Variants in TSPAN5 observed in about 807,000 individuals in gnomAD.
TSPAN5 encodes the protein tetraspanin-5.
TSPAN5 carries 10 observed loss-of-function variants against 37.1 expected under a neutral mutation model. That is an observed-to-expected ratio of 0.27 (90% confidence interval 0.17 to 0.46). The LOEUF (loss-of-function observed/expected upper bound fraction) is 0.46. TSPAN5 is among the 20% of genes least tolerant of loss of function. The pLI, the probability that TSPAN5 is intolerant of heterozygous loss-of-function variation, is 1.00. For missense variants in TSPAN5, 195 were observed against 326.6 expected (o/e 0.60, Z 3.11); for synonymous variants, 110 against 118.9 (o/e 0.93, Z 0.48).
At chr4:98,490,933 G>T (rs927176653) in intron 2 of TSPAN5, among the ~76,000 whole-genome samples, 3 of 152,056 alleles carry the variant, frequency 2.0e-5, no homozygotes, top group Non-Finnish European at 2.9e-5. Context: ...GTGGCAGCAC[G>T]CGCCTGTAGT....
chr4:98,626,362 C>G (rs1443825928), intron 1 of TSPAN5, among the ~76,000 whole-genome samples: 1 of 152,168 alleles, frequency 6.6e-6, no homozygotes, highest in African/African-American at 2.4e-5. Flanking sequence ...CTAACCTTGA[C>G]CCCATCCCTA....
intron 1 of TSPAN5, among the ~76,000 whole-genome samples, chr4:98,616,465 TA>T (rs1756339874): frequency 6.6e-6 from 1 of 152,108 alleles, no homozygotes; most frequent in African/African-American, 2.4e-5. Context: ...GATCTTTACC[TA>T]GTGTCACTCT....
intron 1 of TSPAN5, among the ~76,000 whole-genome samples, chr4:98,621,055 T>C (rs1489138593): frequency 6.6e-6 from 1 of 152,180 alleles, no homozygotes; most frequent in Non-Finnish European, 1.5e-5. Context: ...CCAGTATGAC[T>C]GTGTCCTTAT....
At chr4:98,602,928 G>C (rs1755916196) in intron 1 of TSPAN5, among the ~76,000 whole-genome samples, 1 of 152,194 alleles carries the variant, frequency 6.6e-6, no homozygotes, top group Non-Finnish European at 1.5e-5. Flanking sequence ...CAATGAAAAA[G>C]TTTGGAATAT....
chr4:98,626,811 T>C (rs190520784), intron 1 of TSPAN5, among the ~76,000 whole-genome samples: 3 of 152,050 alleles, frequency 2.0e-5, no homozygotes, highest in Non-Finnish European at 4.4e-5. Context: ...TGATCTAATG[T>C]ACTTGCTGTT....
At chr4:98,514,732 C>G (rs567257237) in intron 1 of TSPAN5, among the ~76,000 whole-genome samples, 1 of 152,262 alleles carries the variant, frequency 6.6e-6, no homozygotes, top group Admixed American at 6.5e-5. Flanking sequence ...GGGAAAGGGT[C>G]TTCATTCATT....
intron 1 of TSPAN5, among the ~76,000 whole-genome samples, chr4:98,514,042 T>C (rs1218021654): frequency 2.0e-5 from 3 of 152,074 alleles, no homozygotes; most frequent in Non-Finnish European, 2.9e-5. Flanking sequence ...ACAAGGTAAA[T>C]ATGATAGAGG....
chr4:98,540,774 G>A (rs1754341207), intron 1 of TSPAN5, among the ~76,000 whole-genome samples: 1 of 152,162 alleles, frequency 6.6e-6, no homozygotes, highest in South Asian at 2.1e-4. Context: ...TATTTGATGA[G>A]TACTACTGAC....
chr4:98,559,339 A>G (rs1305880187), intron 1 of TSPAN5, among the ~76,000 whole-genome samples: 4 of 152,242 alleles, frequency 2.6e-5, no homozygotes, highest in Non-Finnish European at 4.4e-5. Context: ...TATTACTGTC[A>G]TAACAGGGTA....
At chr4:98,500,490 T>C (rs1005603234) in intron 2 of TSPAN5, among the ~76,000 whole-genome samples, 13 of 152,086 alleles carry the variant, frequency 8.5e-5, no homozygotes, top group African/African-American at 2.7e-4. Flanking sequence ...CAATCACCCC[T>C]AGAGAACCCA....
At chr4:98,550,608 T>G (rs1365320013) in intron 1 of TSPAN5, among the ~76,000 whole-genome samples, 1 of 9,754 alleles carries the variant, frequency 1.0e-4, no homozygotes, top group Non-Finnish European at 1.5e-4. Context: ...CCCAGCTGGG[T>G]TTTTTTTTTT....
At chr4:98,612,034 T>C (rs1756208240) in intron 1 of TSPAN5, among the ~76,000 whole-genome samples, 1 of 152,354 alleles carries the variant, frequency 6.6e-6, no homozygotes, top group South Asian at 2.1e-4. Flanking sequence ...ATAATGTAGT[T>C]AGAACTAATG....
chr4:98,612,417 T>C (rs1423484521), intron 1 of TSPAN5, among the ~76,000 whole-genome samples: 1 of 152,234 alleles, frequency 6.6e-6, no homozygotes. Flanking sequence ...AACAATGATG[T>C]ATCCTTCAAT....
chr4:98,581,775 T>C (rs1321064229), intron 1 of TSPAN5, among the ~76,000 whole-genome samples: 2 of 152,210 alleles, frequency 1.3e-5, no homozygotes, highest in African/African-American at 2.4e-5. Context: ...CAAAGTAACC[T>C]GCGCAGCCAG....
chr4:98,544,310 C>G (rs1464388725), intron 1 of TSPAN5, among the ~76,000 whole-genome samples: 1 of 152,146 alleles, frequency 6.6e-6, no homozygotes, highest in Non-Finnish European at 1.5e-5. Flanking sequence ...GGCTCCAGAC[C>G]CACAATTCTC....
chr4:98,512,399 C>T (rs1753628624), intron 1 of TSPAN5, among the ~76,000 whole-genome samples: 1 of 152,114 alleles, frequency 6.6e-6, no homozygotes, highest in South Asian at 2.1e-4. Context: ...AACTCATGCC[C>T]TAAGTCTCTA....
chr4:98,596,051 T>G (rs1197799759), intron 1 of TSPAN5, among the ~76,000 whole-genome samples: 1 of 1,164 alleles, frequency 8.6e-4, no homozygotes, highest in Non-Finnish European at 1.7e-3. Context: ...AAGTCTCCCA[T>G]TATTAATGTG....
At chr4:98,646,837 CAG>C (rs1347505301) in intron 1 of TSPAN5, among the ~76,000 whole-genome samples, 1 of 151,468 alleles carries the variant, frequency 6.6e-6, no homozygotes, top group Non-Finnish European at 1.5e-5. Flanking sequence ...ATGAGGAAAA[CAG>C]TATAATAATT....
At chr4:98,635,975 A>G (rs1364964373) in intron 1 of TSPAN5, among the ~76,000 whole-genome samples, 4 of 152,210 alleles carry the variant, frequency 2.6e-5, no homozygotes, top group Admixed American at 2.6e-4. Flanking sequence ...TCTGGAACCA[A>G]TTTTGCAAGA....
Sources: allele counts gnomAD v4.1 joint callset (sites outside exome capture counted in the v4.1 genomes callset), GRCh38; gene constraint gnomAD v4.1.1; transcripts MANE v1.5; gene names NCBI Gene and HGNC (gene_info 2026-07-23, HGNC 2026-07-21).